The following DLG2 variants were observed in gnomAD, a reference collection of about 807,000 sequenced individuals.
DLG2 encodes the protein discs large MAGUK scaffold protein 2, also known as disks large homolog 2.
In DLG2, 45 loss-of-function variants were observed where a neutral mutation model predicts 132.5. That is an observed-to-expected ratio of 0.34 (90% CI 0.27 to 0.44). DLG2 has a LOEUF of 0.44. Among genes scored for constraint, DLG2 ranks in the 20% least tolerant of loss-of-function variants. The pLI is 1.00. For missense variants in DLG2, 1,045 were observed against 1,196.9 expected (o/e 0.87, Z 1.87); for synonymous variants, 424 against 419.6 (o/e 1.01, Z -0.13).
In DLG2 at chr11:85,285,376, A is replaced by T; in HGVS notation, c.41-11T>A. ...AAAATTCTTGGATATCTGTAAAGAA[A>T]ATGTAAGGAAAGCATCAAAATGTAA... On this transcript the variant is annotated splice_polypyrimidine_tract_variant and intron_variant, in intron 3 of 27. Coordinates refer to ENST00000376104, the MANE Select transcript of DLG2 (RefSeq NM_001142699.3). 6.2e-7 allele frequency: 1 copy of T among 1,608,602 alleles called. No individual in the cohort carries two copies. Among genetic ancestry groups the T allele is most frequent in the Non-Finnish European group, 8.5e-7 (1 of 1,177,036 alleles).
chr11:84,018,411 T>A (rs573108063), intron 11 of DLG2, among the ~76,000 whole-genome samples: 1 of 152,016 alleles, frequency 6.6e-6, no homozygotes, highest in Non-Finnish European at 1.5e-5. Context: ...TACAATGCCT[T>A]TCTTATATAA....
chr11:85,203,530 T>C (rs1408585544), intron 4 of DLG2, among the ~76,000 whole-genome samples: 1 of 151,876 alleles, frequency 6.6e-6, no homozygotes, highest in East Asian at 1.9e-4. Flanking sequence ...ATAAGTATAA[T>C]GAGATCAAAG....
intron 19 of DLG2, among the ~76,000 whole-genome samples, chr11:83,606,621 G>A (rs553317735): frequency 1.4e-5 from 2 of 138,598 alleles, no homozygotes; most frequent in Admixed American, 1.5e-4. Flanking sequence ...GAAAACATAC[G>A]TTAGTGTTTG....
chr11:84,221,201 T>C (rs1176267538), intron 8 of DLG2, among the ~76,000 whole-genome samples: 3 of 151,930 alleles, frequency 2.0e-5, no homozygotes, highest in Admixed American at 6.6e-5. Context: ...CTGGGCGCAG[T>C]GGGCCTGTAA....
At chr11:84,532,117 A>ATTTTTTTTTTT (rs67139617) in intron 7 of DLG2, among the ~76,000 whole-genome samples, 3 of 104,584 alleles carry the variant, frequency 2.9e-5, no homozygotes, top group African/African-American at 3.7e-5. Context: ...TGTTCTGTTC[A>ATTTTTTTTTTT]TTTTTTTTTT....
intron 15 of DLG2, among the ~76,000 whole-genome samples, chr11:83,882,086 C>T (rs546392186): frequency 5.9e-4 from 90 of 151,818 alleles, no homozygotes; most frequent in South Asian, 3.5e-3. Context: ...TTATAATTTA[C>T]GTAAGAAAAA....
chr11:83,753,360 T>G (rs1484560491), intron 18 of DLG2, among the ~76,000 whole-genome samples: 1 of 152,006 alleles, frequency 6.6e-6, no homozygotes, highest in Non-Finnish European at 1.5e-5. Context: ...GAGGCAGAGG[T>G]TGCAGTGAGC....
At chr11:83,575,267 A>G (rs1482494966) in intron 19 of DLG2, among the ~76,000 whole-genome samples, 2 of 152,178 alleles carry the variant, frequency 1.3e-5, no homozygotes, top group Admixed American at 6.6e-5. Flanking sequence ...AAGGACAAGA[A>G]TCTTTAGTAG....
chr11:83,589,515 G>A (rs1237599415), intron 19 of DLG2, among the ~76,000 whole-genome samples: 11 of 151,788 alleles, frequency 7.2e-5, no homozygotes, highest in African/African-American at 1.2e-4. Context: ...AGGAACAACC[G>A]GAACCAGCCA....
chr11:85,400,100 C>T (rs1260844880), intron 3 of DLG2, among the ~76,000 whole-genome samples: 2 of 152,026 alleles, frequency 1.3e-5, no homozygotes, highest in East Asian at 1.9e-4. Flanking sequence ...AAACAAACAA[C>T]CCCATCAAAA....
chr11:84,009,091 G>A (rs2094734084), intron 11 of DLG2, among the ~76,000 whole-genome samples: 1 of 151,612 alleles, frequency 6.6e-6, no homozygotes, highest in Non-Finnish European at 1.5e-5. Flanking sequence ...TTTTCTTTTT[G>A]TATCAGCATC....
intron 6 of DLG2, among the ~76,000 whole-genome samples, chr11:84,621,328 G>A (rs1483231909): frequency 6.6e-6 from 1 of 152,086 alleles, no homozygotes; most frequent in Non-Finnish European, 1.5e-5. Flanking sequence ...TGGAGTAGAG[G>A]AAGTCTGGAA....
intron 7 of DLG2, among the ~76,000 whole-genome samples, chr11:84,469,031 A>C (rs1037288591): frequency 1.3e-5 from 2 of 151,622 alleles, no homozygotes; most frequent in South Asian, 4.1e-4. Context: ...AGTCTATCCC[A>C]GTACTTAGCA....
intron 3 of DLG2, among the ~76,000 whole-genome samples, chr11:85,408,494 C>A (rs1429922693): frequency 1.3e-5 from 2 of 150,830 alleles, no homozygotes; most frequent in Non-Finnish European, 3.0e-5. Flanking sequence ...GCACTGCACC[C>A]ACTAACTCGT....
chr11:83,463,114 G>A (rs2090344749), intron 26 of DLG2, among the ~76,000 whole-genome samples: 1 of 152,172 alleles, frequency 6.6e-6, no homozygotes, highest in African/African-American at 2.4e-5. Context: ...AAGTAACAGA[G>A]GCAAGAAGGG....
intron 6 of DLG2, among the ~76,000 whole-genome samples, chr11:84,907,491 G>A (rs890135541): frequency 1.1e-4 from 17 of 152,130 alleles, no homozygotes; most frequent in African/African-American, 3.9e-4. Context: ...CTGATGCTAA[G>A]CCCGCAAAAC....
intron 21 of DLG2, among the ~76,000 whole-genome samples, chr11:83,520,141 A>C (rs2140391665): frequency 1.3e-5 from 2 of 152,354 alleles, no homozygotes; most frequent in Middle Eastern, 6.8e-3. Flanking sequence ...TGAAGTTGTC[A>C]AAACATAAAA....
chr11:85,189,440 C>T lies in DLG2; in HGVS notation c.187-34789G>A, dbSNP rs570676249. 7.0e-4 allele frequency among the ~76,000 whole-genome samples: 106 copies of T among 152,258 alleles called. 1 individual carries two copies. Among genetic ancestry groups the T allele is most frequent in the African/African-American group, 2.4e-3 (101 of 41,554 alleles). ...TAAAACAACACACTATTGATACACA[C>T]GACAACTTGAATGTATCTCAATGGC... On this transcript the variant is annotated intron_variant, in intron 4 of 27. Coordinates refer to ENST00000376104, the MANE Select transcript of DLG2 (RefSeq NM_001142699.3).
At chr11:84,805,006 G>A (rs892043874) in intron 6 of DLG2, among the ~76,000 whole-genome samples, 1 of 152,140 alleles carries the variant, frequency 6.6e-6, no homozygotes, top group Non-Finnish European at 1.5e-5. Context: ...TGGCTAGGGT[G>A]GTATCAGAAG....
Sources: allele counts gnomAD v4.1 joint callset (sites outside exome capture counted in the v4.1 genomes callset), GRCh38; gene constraint gnomAD v4.1.1; transcripts MANE v1.5; gene names NCBI Gene and HGNC (gene_info 2026-07-23, HGNC 2026-07-21).